The following PDXDC1 variants were observed in gnomAD, a reference collection of about 807,000 sequenced individuals.
The protein encoded by PDXDC1 is pyridoxal-dependent decarboxylase domain-containing protein 1.
In PDXDC1, 42 loss-of-function variants were observed where a neutral mutation model predicts 100.1. That is an observed-to-expected ratio of 0.42 (90% CI 0.33 to 0.54). The LOEUF is 0.54. Ranked by LOEUF, PDXDC1 falls within the 20% of genes least tolerant of loss-of-function variation. The probability of loss-of-function intolerance (pLI) is 0.10; values close to 1 mark genes in which losing one functional copy is unlikely to be tolerated. For missense variants in PDXDC1, 636 were observed against 979.2 expected (o/e 0.65, Z 4.68); for synonymous variants, 260 against 371.7 (o/e 0.70, Z 3.46).
intron 16 of PDXDC1, among the ~76,000 whole-genome samples, chr16:15,117,701 A>T (rs2047287259): frequency 8.7e-6 from 1 of 114,926 alleles, no homozygotes; most frequent in Non-Finnish European, 1.8e-5. Flanking sequence ...TGGGGGTGAG[A>T]AAAGAAAAAA....
chr16:15,067,279 G>A (rs1255798386), intron 16 of PDXDC1, among the ~76,000 whole-genome samples: 12 of 150,136 alleles, frequency 8.0e-5, no homozygotes, highest in African/African-American at 1.2e-4. Flanking sequence ...TCTCCAATTC[G>A]CTTTCTCCAT....
chr16:15,015,737 T>C, intron 8 of PDXDC1: 2 of 289,094 alleles, frequency 6.9e-6, no homozygotes, highest in Admixed American at 5.1e-5. Flanking sequence ...AAAACAGTTA[T>C]GAATGCTTGT....
chr16:15,090,873 G>GTTTTTTTTTTTTT (rs4012873), intron 16 of PDXDC1, among the ~76,000 whole-genome samples: 1 of 128,194 alleles, frequency 7.8e-6, no homozygotes. Context: ...TCAGTGGTTT[G>GTTTTTTTTTTTTT]TTTTTTTTTT....
the PDXDC1 span, among the ~76,000 whole-genome samples, chr16:15,149,138 T>C: frequency 2.6e-5 from 4 of 152,164 alleles, no homozygotes; most frequent in African/African-American, 7.2e-5. Context: ...TCTCCTAGGC[T>C]CTCCTGACTG....
intron 16 of PDXDC1, chr16:15,047,598 C>T (rs1370174732): frequency 1.5e-6 from 2 of 1,356,306 alleles, no homozygotes; most frequent in Non-Finnish European, 2.1e-6. Flanking sequence ...GATGCGAGTG[C>T]AGTGCGCAGG....
chr16:15,038,296 G>C lies in PDXDC1; in HGVS notation c.*2021G>C. The C allele has an allele frequency of 1.1e-6, 1 of 952,132 alleles. No individual in the cohort carries two copies. The highest frequency in any genetic ancestry group is 1.6e-6 in the Non-Finnish European group (1 of 628,168). The allele number at this position is 952,132 out of a possible 1,614,324, so 59.0% of individuals were successfully genotyped here. ...AGATGTCAAAGTATCTTTGTTCTTGGACACAAATATATATAATAAAATACG... is the reference window on the plus strand; with the variant it reads ...AGATGTCAAAGTATCTTTGTTCTTGCACACAAATATATATAATAAAATACG... On this transcript the variant is annotated 3_prime_UTR_variant, in exon 23 of 23. Coordinates refer to ENST00000396410, the MANE Select transcript of PDXDC1 (RefSeq NM_015027.4).
intron 16 of PDXDC1, among the ~76,000 whole-genome samples, chr16:15,059,412 T>A (rs1485872389): frequency 6.6e-6 from 1 of 152,216 alleles, no homozygotes; most frequent in Non-Finnish European, 1.5e-5. Flanking sequence ...CTTCCTTTCT[T>A]GCAAGAAAAC....
At chr16:15,096,582 A>G (rs1334087309) in intron 16 of PDXDC1, among the ~76,000 whole-genome samples, 1 of 152,250 alleles carries the variant, frequency 6.6e-6, no homozygotes, top group Non-Finnish European at 1.5e-5. Context: ...AAGATACTTC[A>G]AGATAACTGT....
At chr16:14,989,571 C>T in intron 1 of PDXDC1, 1 of 1,611,212 alleles carries the variant, frequency 6.2e-7, no homozygotes, top group Non-Finnish European at 8.5e-7. Flanking sequence ...GTGGGGTCGG[C>T]CCCTGTGCGC....
At chr16:15,141,069 C>CG (rs1251907850), downstream of PDXDC1, among the ~76,000 whole-genome samples, 8 of 149,460 alleles carry the variant, frequency 5.4e-5, no homozygotes, top group Non-Finnish European at 1.0e-4. Context: ...CCTGAGCACC[C>CG]GCCCAGCCCC....
chr16:15,078,904 C>T (rs1436972863), intron 16 of PDXDC1, among the ~76,000 whole-genome samples: 1 of 151,614 alleles, frequency 6.6e-6, no homozygotes, highest in African/African-American at 2.4e-5. Flanking sequence ...CTCCACCTCC[C>T]GGATTCACAC....
chr16:15,087,417 G>C (rs1012775688), intron 16 of PDXDC1, among the ~76,000 whole-genome samples: 2 of 152,148 alleles, frequency 1.3e-5, no homozygotes, highest in African/African-American at 2.4e-5. Flanking sequence ...CAGTAAAGAA[G>C]CAGGTCCAAA....
At chr16:14,996,601 C>T (rs1323190240) in intron 1 of PDXDC1, among the ~76,000 whole-genome samples, 9 of 152,274 alleles carry the variant, frequency 5.9e-5, no homozygotes, top group Non-Finnish European at 5.9e-5. Flanking sequence ...AGTTCGGGCA[C>T]AGTGGCTCAG....
At chr16:15,024,467 T>G (rs1445829560) in intron 13 of PDXDC1, among the ~76,000 whole-genome samples, 1 of 149,788 alleles carries the variant, frequency 6.7e-6, no homozygotes, top group Non-Finnish European at 1.5e-5. Context: ...AGTGCAGTGG[T>G]GCGATCTTGG....
intron 3 of PDXDC1, among the ~76,000 whole-genome samples, chr16:15,001,418 G>C (rs1323772735): frequency 2.0e-5 from 3 of 152,294 alleles, no homozygotes; most frequent in Non-Finnish European, 4.4e-5. Context: ...AAACCCGGGA[G>C]GCAGAGGTTG....
chr16:15,102,084 G>A lies in PDXDC1; in HGVS notation c.1400-36795G>A, dbSNP rs538093407. 1.3e-4 allele frequency among the ~76,000 whole-genome samples: 20 copies of A among 152,252 alleles called. 1 individual carries two copies. In the East Asian group the frequency reaches 3.9e-3, roughly 29 times the overall value. ...GCTGCTCTTGAACGCCTGACCTTGT[G>A]ATCCACCTGCCTCGGCCTCTCAAAG... On this transcript the variant is annotated intron_variant, in intron 16 of 16. Transcript: ENST00000535621.
chr16:15,069,735 G>A (rs1436592236), intron 16 of PDXDC1, among the ~76,000 whole-genome samples: 1 of 152,162 alleles, frequency 6.6e-6, no homozygotes, highest in Non-Finnish European at 1.5e-5. Flanking sequence ...CAAAGAGAAG[G>A]TGCATCCAAC....
chr16:15,035,290 GC>G, intron 21 of PDXDC1, among the ~76,000 whole-genome samples, 158 bp from the exon 22 acceptor site: 1 of 152,274 alleles, frequency 6.6e-6, no homozygotes, highest in African/African-American at 2.4e-5. Context: ...GCTTTCTCTA[GC>G]TCACGGCACA....
At chr16:15,061,633 C>A in intron 16 of PDXDC1, 1 of 978,374 alleles carries the variant, frequency 1.0e-6, no homozygotes, top group African/African-American at 1.6e-5. Context: ...CCGAGGCAGG[C>A]ACTCGCTCTA....
Sources: gnomAD v4.1 joint callset for allele counts (sites outside exome capture counted in the v4.1 genomes callset) on GRCh38, gnomAD v4.1.1 for gene constraint, MANE v1.5 for transcripts, NCBI Gene and HGNC (gene_info 2026-07-23, HGNC 2026-07-21) for gene names.